CACNA2D3: variants seen among roughly 807,000 people sequenced by gnomAD.
CACNA2D3 encodes calcium voltage-gated channel auxiliary subunit alpha2delta 3.
CACNA2D3 carries 60 observed loss-of-function variants against 160.6 expected under a neutral mutation model. That is an observed-to-expected ratio of 0.37 (90% confidence interval 0.30 to 0.46). CACNA2D3 has a LOEUF of 0.46. Among genes scored for constraint, CACNA2D3 ranks in the 20% least tolerant of loss-of-function variants. The probability of loss-of-function intolerance (pLI) is 1.00; values close to 1 mark genes in which losing one functional copy is unlikely to be tolerated. For missense variants in CACNA2D3, 1,205 were observed against 1,365.0 expected (o/e 0.88, Z 1.85); for synonymous variants, 558 against 492.9 (o/e 1.13, Z -1.75).
intron 5 of CACNA2D3, among the ~76,000 whole-genome samples, chr3:54,525,525 C>T (rs1701711459): frequency 1.3e-5 from 2 of 152,088 alleles, no homozygotes; most frequent in African/African-American, 2.4e-5. Flanking sequence ...ACTAAATTCT[C>T]TCAGTTTTTC....
chr3:54,158,833 G>A (rs995114766), intron 2 of CACNA2D3, among the ~76,000 whole-genome samples: 6 of 152,202 alleles, frequency 3.9e-5, no homozygotes, highest in Admixed American at 1.3e-4. Context: ...TCCTTCTTCT[G>A]TGATGGTCAT....
intron 11 of CACNA2D3, among the ~76,000 whole-genome samples, chr3:54,644,288 A>G (rs1375766488): frequency 3.3e-5 from 5 of 152,126 alleles, no homozygotes; most frequent in African/African-American, 1.2e-4. Flanking sequence ...TCATCTACTT[A>G]TCAAGTATTA....
At chr3:54,999,366 T>C (rs1702931451) in intron 31 of CACNA2D3, among the ~76,000 whole-genome samples, 1 of 152,182 alleles carries the variant, frequency 6.6e-6, no homozygotes, top group Non-Finnish European at 1.5e-5. Flanking sequence ...TCCTCCCCCA[T>C]GCCTTTTCAA....
chr3:54,162,448 T>C (rs1191829954), intron 2 of CACNA2D3, among the ~76,000 whole-genome samples: 1 of 152,064 alleles, frequency 6.6e-6, no homozygotes, highest in African/African-American at 2.4e-5. Context: ...CCATATAGTC[T>C]CTGTCTAGGA....
At chr3:54,691,967 T>A (rs552906453) in intron 11 of CACNA2D3, among the ~76,000 whole-genome samples, 8 of 151,870 alleles carry the variant, frequency 5.3e-5, no homozygotes, top group Non-Finnish European at 1.0e-4. Flanking sequence ...AAGTAATTAA[T>A]AATATTAATT....
intron 11 of CACNA2D3, among the ~76,000 whole-genome samples, chr3:54,703,607 A>ACCTAAAAT (rs1442838264): frequency 6.6e-6 from 1 of 152,172 alleles, no homozygotes; most frequent in Admixed American, 6.6e-5. Context: ...GATTGGAATG[A>ACCTAAAAT]CCTAAAATCC....
At chr3:55,022,901 T>G (rs1449905006) in intron 35 of CACNA2D3, among the ~76,000 whole-genome samples, 1 of 152,048 alleles carries the variant, frequency 6.6e-6, no homozygotes, top group East Asian at 1.9e-4. Context: ...TTCTACTGTG[T>G]TTTTAACCCA....
chr3:54,432,381 A>G (rs569569859), intron 4 of CACNA2D3, among the ~76,000 whole-genome samples: 148 of 152,318 alleles, frequency 9.7e-4, no homozygotes, highest in African/African-American at 3.3e-3. Flanking sequence ...GGTGTTATCA[A>G]TATATAACTA....
intron 2 of CACNA2D3, among the ~76,000 whole-genome samples, chr3:54,297,364 T>A (rs1304670904): frequency 1.3e-5 from 2 of 152,130 alleles, no homozygotes; most frequent in Non-Finnish European, 2.9e-5. Context: ...TTATCCTTAT[T>A]ATTATTATTA....
At chr3:54,480,600 A>G (rs902654426) in intron 4 of CACNA2D3, among the ~76,000 whole-genome samples, 9 of 152,200 alleles carry the variant, frequency 5.9e-5, no homozygotes, top group African/African-American at 2.2e-4. Flanking sequence ...TATGTATGAA[A>G]TTTTTAATTG....
chr3:54,392,661 G>A (rs1239592009), intron 4 of CACNA2D3, among the ~76,000 whole-genome samples: 3 of 152,132 alleles, frequency 2.0e-5, no homozygotes, highest in East Asian at 1.9e-4. Context: ...CAAAGGTGGG[G>A]TGGGGGCTTT....
intron 35 of CACNA2D3, among the ~76,000 whole-genome samples, chr3:55,055,942 C>T (rs757345861): frequency 1.1e-4 from 17 of 152,024 alleles, no homozygotes; most frequent in Non-Finnish European, 1.6e-4. Flanking sequence ...CAAAAATAGA[C>T]AGATGAGATT....
intron 35 of CACNA2D3, among the ~76,000 whole-genome samples, chr3:55,057,315 T>A (rs1464519992): frequency 1.3e-5 from 2 of 152,192 alleles, no homozygotes; most frequent in Non-Finnish European, 2.9e-5. Flanking sequence ...ATCTTAATCA[T>A]TCCACATTTT....
intron 13 of CACNA2D3, among the ~76,000 whole-genome samples, chr3:54,809,929 T>A (rs897686077): frequency 9.2e-5 from 14 of 152,110 alleles, no homozygotes; most frequent in African/African-American, 3.4e-4. Context: ...TCAAAAAACC[T>A]AAACAAGTAA....
intron 13 of CACNA2D3, among the ~76,000 whole-genome samples, chr3:54,810,278 G>A (rs773010226): frequency 1.3e-5 from 2 of 152,216 alleles, no homozygotes; most frequent in Non-Finnish European, 2.9e-5. Flanking sequence ...GGGCTGGAGT[G>A]AACCTGGAGA....
intron 13 of CACNA2D3, among the ~76,000 whole-genome samples, chr3:54,786,527 C>T (rs559582618): frequency 6.6e-6 from 1 of 152,272 alleles, no homozygotes; most frequent in African/African-American, 2.4e-5. Context: ...TGTGTCTCTT[C>T]ACTTTGTAAG....
chr3:54,832,091 A>G (rs1290896110), intron 14 of CACNA2D3, among the ~76,000 whole-genome samples: 1 of 147,194 alleles, frequency 6.8e-6, no homozygotes, highest in Non-Finnish European at 1.5e-5. Flanking sequence ...TATTTTATTC[A>G]GTCTCATCGC....
At chr3:54,705,336 A>G (rs1700839217) in intron 11 of CACNA2D3, among the ~76,000 whole-genome samples, 1 of 152,188 alleles carries the variant, frequency 6.6e-6, no homozygotes, top group Admixed American at 6.5e-5. Flanking sequence ...GAGTTATATC[A>G]TTGAACTAGA....
At chr3:54,272,224 G>A (rs1261141241) in intron 2 of CACNA2D3, among the ~76,000 whole-genome samples, 1 of 152,198 alleles carries the variant, frequency 6.6e-6, no homozygotes, top group Non-Finnish European at 1.5e-5. Flanking sequence ...CACCGTTGTT[G>A]ATTGATTTTG....
Sources: allele counts gnomAD v4.1 joint callset (sites outside exome capture counted in the v4.1 genomes callset), GRCh38; gene constraint gnomAD v4.1.1; transcripts MANE v1.5; gene names NCBI Gene and HGNC (gene_info 2026-07-23, HGNC 2026-07-21).